SLC38A4: variants seen among roughly 807,000 people sequenced by gnomAD.
The protein encoded by SLC38A4 is sodium-coupled neutral amino acid transporter 4.
Under a neutral mutation model 63.1 loss-of-function variants are expected in SLC38A4, and 20 were observed. That is an observed-to-expected ratio of 0.32 (90% CI 0.22 to 0.46). The LOEUF (loss-of-function observed/expected upper bound fraction) is 0.46. SLC38A4 is among the 20% of genes least tolerant of loss of function. SLC38A4 has a pLI of 1.00. For missense variants in SLC38A4, 526 were observed against 663.6 expected (o/e 0.79, Z 2.28); for synonymous variants, 230 against 225.5 (o/e 1.02, Z -0.18).
rs11183605 is a variant in SLC38A4 at position 46,765,185 on chromosome 12, A to G, written c.*1516T>C. The G allele has an allele frequency of 0.17, 25,899 of 154,436 alleles. 2,375 individuals carry two copies. Among genetic ancestry groups the G allele is most frequent in the South Asian group, 0.23 (1,173 of 5,082 alleles). The allele number at this position is 154,436 out of a possible 1,614,324, so 9.6% of individuals were successfully genotyped here. On this transcript the variant is annotated 3_prime_UTR_variant, in exon 17 of 17. Transcript: ENST00000266579. ...GCTTTACTAAAATATAAAATACACA[A>G]GTGATCTTACTATGATTTGAAAAAA...
At chr12:46,777,550 T>A in intron 12 of SLC38A4, among the ~76,000 whole-genome samples, 1 of 152,136 alleles carries the variant, frequency 6.6e-6, no homozygotes, top group Middle Eastern at 3.4e-3. Flanking sequence ...TCTGAAATTT[T>A]TTATGAGGTA....
At chr12:46,792,548 C>A (rs1466216970) in intron 3 of SLC38A4, among the ~76,000 whole-genome samples, 1 of 151,936 alleles carries the variant, frequency 6.6e-6, no homozygotes, top group African/African-American at 2.4e-5. Flanking sequence ...ACTTAACAGG[C>A]TGGGTATATG....
At chr12:46,828,604 T>C (rs1423163806), upstream of SLC38A4, among the ~76,000 whole-genome samples, 1 of 152,244 alleles carries the variant, frequency 6.6e-6, no homozygotes, top group Non-Finnish European at 1.5e-5. Flanking sequence ...ATTACAGGCA[T>C]GAGCCACGGT....
At chr12:46,793,519 G>A (rs952080556) in intron 2 of SLC38A4, among the ~76,000 whole-genome samples, 1 of 152,098 alleles carries the variant, frequency 6.6e-6, no homozygotes, top group African/African-American at 2.4e-5. Flanking sequence ...ATTTGTGAGT[G>A]GGATACATGT....
intron 14 of SLC38A4, among the ~76,000 whole-genome samples, chr12:46,770,529 T>A (rs74386906): frequency 0.021 from 3,179 of 152,174 alleles, 36 homozygotes; most frequent in Middle Eastern, 0.037. Flanking sequence ...CCCTTCAGGA[T>A]CCTTGACAGA....
At chr12:46,768,579 G>A (rs1195950366) in intron 15 of SLC38A4, among the ~76,000 whole-genome samples, 172 bp from the exon 16 acceptor site, 51 of 152,042 alleles carry the variant, frequency 3.4e-4, no homozygotes, top group Admixed American at 3.3e-3. Flanking sequence ...TAGAAGATAT[G>A]TTTATAGAGA....
chr12:46,807,889 ACC>A (rs67831647), intron 1 of SLC38A4, among the ~76,000 whole-genome samples: 6,174 of 142,710 alleles, frequency 0.043, 202 homozygotes, highest in South Asian at 0.13. Flanking sequence ...ATTAAATGTT[ACC>A]CCCCCCCCCA....
Position 46,779,611 on chromosome 12 carries a change from C to T in SLC38A4, c.717G>A (p.Val239=), listed in dbSNP as rs1938597984. ...AGGATCATGTCATCACATCACTTAC[C>T]ACACTAACAAAAAACACCATGCAGG... The part of the protein sequence containing the change: ...SLTCMVFFVS[V]VIYKKFQIPC... The change falls in exon 10 of 17, where the codon GTG becomes GTA. Residue 239 remains valine (V), a splice_region_variant and synonymous_variant. Transcript: ENST00000266579. 1 of 1,601,810 alleles carries T rather than the reference C, an allele frequency of 6.2e-7. No individual in the cohort carries two copies.
intron 1 of SLC38A4, among the ~76,000 whole-genome samples, chr12:46,817,396 C>CT (rs11370884): frequency 0.75 from 112,892 of 151,504 alleles, 42,268 homozygotes; most frequent in African/African-American, 0.81. Flanking sequence ...ACAGGACTCA[C>CT]TAGATGCTTG....
At chr12:46,800,276 C>T (rs527501285) in intron 2 of SLC38A4, among the ~76,000 whole-genome samples, 3 of 152,200 alleles carry the variant, frequency 2.0e-5, no homozygotes, top group African/African-American at 4.8e-5. Context: ...TTATTCCAAA[C>T]GACTGCGCTA....
At chr12:46,797,852 C>T (rs1381120770) in intron 2 of SLC38A4, among the ~76,000 whole-genome samples, 1 of 152,158 alleles carries the variant, frequency 6.6e-6, no homozygotes, top group African/African-American at 2.4e-5. Context: ...AGGCCCTCTT[C>T]TTCCAATGTT....
At position 46,771,759 on chromosome 12, in the gene SLC38A4, T is replaced by C. The variant is rs930273315; in HGVS notation, c.1300-2331A>G. On this transcript the variant is annotated intron_variant, in intron 14 of 16. Transcript: ENST00000266579. ...CATGTTAAAGTGCCTCCCTGAGTAG[T>C]GAGCCTAGGACCAAAAGCCCCCAGC... Among the ~76,000 whole-genome samples, 15 of 152,204 alleles carry C rather than the reference T, an allele frequency of 9.9e-5. No individual in the cohort carries two copies. In the East Asian group the frequency reaches 1.7e-3, roughly 18 times the overall value.
At chr12:46,768,593 T>C (rs1592172898) in intron 15 of SLC38A4, among the ~76,000 whole-genome samples, 186 bp from the exon 16 acceptor site, 1 of 152,084 alleles carries the variant, frequency 6.6e-6, no homozygotes, top group Non-Finnish European at 1.5e-5. Context: ...ATAGAGACAA[T>C]TAAAATGTAC....
rs2065358466 is a variant in SLC38A4, at chr12:46,793,002, G to A, written c.70C>T (p.Pro24Ser). Residue 24 changes from proline (P) to serine (S), a missense_variant, in exon 3 of 17, where the codon CCA becomes TCA. Transcript: ENST00000266579. ...TTTCCTATCCCGATGTAGCTATCTG[G>A]AGCACTTTCTCCACTGCTGCTCTCA... ...DDESSSGESA[P>S]DSYIGIGNSE... is the part of the protein sequence containing the mutation. The A allele has an allele frequency of 6.2e-7, 1 of 1,613,246 alleles. No homozygotes were observed. The highest frequency in any genetic ancestry group is 1.3e-5 in the African/African-American group (1 of 74,938).
chr12:46,804,169 A>G, intron 1 of SLC38A4, among the ~76,000 whole-genome samples: 1 of 152,056 alleles, frequency 6.6e-6, no homozygotes, highest in Non-Finnish European at 1.5e-5. Flanking sequence ...ACAGAATGAC[A>G]AATACTTCCA....
rs1371518753 is a variant in SLC38A4, at chr12:46,766,665, C to T, written c.*36G>A. 7.7e-7 allele frequency: 1 copy of T among 1,306,260 alleles called. No individual in the cohort carries two copies. The highest frequency in any genetic ancestry group is 1.2e-5 in the South Asian group (1 of 82,440). The allele number at this position is 1,306,260 out of a possible 1,614,324, so 80.9% of individuals were successfully genotyped here. ...TATCTTTTGGAGTATAACTTGTAAC[C>T]ATTTCCAATAGAAAAAGAAAGTATT... On this transcript the variant is annotated 3_prime_UTR_variant, in exon 17 of 17. Coordinates refer to ENST00000266579, the MANE Select transcript of SLC38A4 (RefSeq NM_018018.5).
chr12:46,800,243 C>T (rs887837507), intron 2 of SLC38A4, among the ~76,000 whole-genome samples: 6 of 152,076 alleles, frequency 3.9e-5, no homozygotes, highest in African/African-American at 1.2e-4. Context: ...AATTCATCCA[C>T]TTCTATCTCC....
chr12:46,804,261 G>T (rs1025819682), intron 1 of SLC38A4, among the ~76,000 whole-genome samples: 2 of 151,876 alleles, frequency 1.3e-5, no homozygotes, highest in African/African-American at 4.8e-5. Flanking sequence ...ACGGCAGTGT[G>T]CTGAGTAGGC....
chr12:46,770,987 T>C (rs546557014), intron 14 of SLC38A4, among the ~76,000 whole-genome samples: 89 of 152,254 alleles, frequency 5.8e-4, no homozygotes, highest in South Asian at 1.2e-3. Flanking sequence ...TTCATACCAC[T>C]CCACCAAAAA....
Sources: gnomAD v4.1 joint callset for allele counts (sites outside exome capture counted in the v4.1 genomes callset) on GRCh38, gnomAD v4.1.1 for gene constraint, MANE v1.5 for transcripts, NCBI Gene and HGNC (gene_info 2026-07-23, HGNC 2026-07-21) for gene names.